Variants in SH3BP2 observed in about 807,000 individuals in gnomAD.
SH3BP2 encodes the protein SH3 domain binding protein 2.
In SH3BP2, 38 loss-of-function variants were observed where a neutral mutation model predicts 56.2. The ratio of observed to expected loss-of-function variants is 0.68; its 90% CI spans 0.52 to 0.89. The LOEUF (loss-of-function observed/expected upper bound fraction) is 0.89. Ranked by LOEUF, SH3BP2 falls within the 40% of genes least tolerant of loss-of-function variation. The pLI, the probability that SH3BP2 is intolerant of heterozygous loss-of-function variation, is 0.00. For synonymous variants in SH3BP2, 346 were observed against 316.7 expected, an observed-to-expected ratio of 1.09 and a Z score of -0.98; for missense variants, 748 against 762.6, an observed-to-expected ratio of 0.98 and a Z score of 0.23.
intron 1 of SH3BP2, among the ~76,000 whole-genome samples, chr4:2,805,376 C>G (rs999367357): frequency 6.6e-6 from 1 of 152,312 alleles, no homozygotes; most frequent in African/African-American, 2.4e-5. Flanking sequence ...GGAGTGCCCC[C>G]CTCCTGCAGC....
intron 1 of SH3BP2, among the ~76,000 whole-genome samples, chr4:2,803,752 C>T (rs1375593326): frequency 1.3e-5 from 2 of 152,194 alleles, no homozygotes; most frequent in African/African-American, 2.4e-5. Flanking sequence ...ACAAGCTATG[C>T]TCTGTCTGAC....
chr4:2,799,025 C>A (rs1293955057), intron 1 of SH3BP2: 3 of 985,444 alleles, frequency 3.0e-6, no homozygotes, highest in South Asian at 9.4e-5. Flanking sequence ...CCAAAGCCGG[C>A]GTCAGGTCAT....
At chr4:2,830,235 C>T in intron 8 of SH3BP2, 88 bp downstream of exon 8, 1 of 1,309,460 alleles carries the variant, frequency 7.6e-7, no homozygotes, top group South Asian at 1.4e-5. Flanking sequence ...ACCTCGCTCC[C>T]CTGGCACTCT....
At chr4:2,823,350 C>T in intron 3 of SH3BP2, 1 of 503,524 alleles carries the variant, frequency 2.0e-6, no homozygotes, top group Non-Finnish European at 3.9e-6. Flanking sequence ...TGCATCTCTC[C>T]TCCCTCCCCA....
intron 5 of SH3BP2, among the ~76,000 whole-genome samples, chr4:2,826,028 C>A (rs907451938): frequency 6.6e-5 from 10 of 152,254 alleles, no homozygotes; most frequent in African/African-American, 2.4e-4. Flanking sequence ...CAGGTCCCTG[C>A]CTGACTCCGG....
rs893629471 is a variant in SH3BP2 at position 2,840,250 on chromosome 4, A to G, written c.*6416A>G. On this transcript the variant is annotated 3_prime_UTR_variant, in exon 13 of 13. Coordinates refer to ENST00000503393, the MANE Select transcript of SH3BP2 (RefSeq NM_001122681.2). ...AAAAAAAACCAAAAAAAAAAAAAAA[A>G]AAAAGAAAACCACTGAAATTATTTC... 6 of 151,684 alleles carry G rather than the reference A, an allele frequency of 4.0e-5. No homozygotes were observed. The highest frequency in any genetic ancestry group is 2.1e-4 in the South Asian group (1 of 4,802). The allele number at this position is 151,684 out of a possible 1,614,324, so 9.4% of individuals were successfully genotyped here. A position where few individuals can be genotyped will look rare whatever the true frequency, so the allele number is the denominator to read the frequency against.
intron 1 of SH3BP2, among the ~76,000 whole-genome samples, chr4:2,809,380 AG>A (rs1453335346): frequency 1.4e-5 from 2 of 140,470 alleles, no homozygotes; most frequent in African/African-American, 5.5e-5. Flanking sequence ...CTCTGGGCTC[AG>A]TGTCCACCTT....
At chr4:2,798,760 G>A (rs1285978461) in intron 1 of SH3BP2, among the ~76,000 whole-genome samples, 3 of 152,202 alleles carry the variant, frequency 2.0e-5, no homozygotes, top group African/African-American at 7.2e-5. Context: ...GTGACTTCCC[G>A]TTGCCATCAC....
rs1008367644 is a variant in SH3BP2 at position 2,838,266 on chromosome 4, C to G, written c.*4432C>G. 1 of 152,272 alleles carries G rather than the reference C, an allele frequency of 6.6e-6. No individual in the cohort carries two copies. The highest frequency in any genetic ancestry group is 1.9e-4 in the East Asian group (1 of 5,202). 9.4% of individuals were successfully genotyped at this position (152,272 alleles called of 1,614,324 possible). On this transcript the variant is annotated 3_prime_UTR_variant, in exon 13 of 13. Transcript: ENST00000503393. ...GTGCCCTCCCCTCACAGTGTCACTT[C>G]CGGCCTCTCTGCCCTGGCTTATGTG...
rs13137906 is a variant in SH3BP2 at position 2,827,751 on chromosome 4, G to C, written c.586+77G>C. 931,898 of 1,271,278 alleles carry C rather than the reference G, an allele frequency of 0.73. 345,272 individuals carry two copies. Among genetic ancestry groups the C allele is most frequent in the African/African-American group, 0.92 (61,904 of 67,374 alleles). 78.7% of individuals were successfully genotyped at this position (1,271,278 alleles called of 1,614,324 possible). A position where few individuals can be genotyped will look rare whatever the true frequency, so the allele number is the denominator to read the frequency against. ...CTGGGACCGGGAGCAGAGCCCCTCC[G>C]AGGCTGGGGATGCTGGCCCAGGTAC... On this transcript the variant is annotated intron_variant, in intron 7 of 12. Coordinates refer to ENST00000503393, the MANE Select transcript of SH3BP2 (RefSeq NM_001122681.2).
intron 2 of SH3BP2, among the ~76,000 whole-genome samples, chr4:2,821,627 AT>A (rs1724310532): frequency 2.7e-5 from 4 of 150,606 alleles, no homozygotes; most frequent in Non-Finnish European, 5.9e-5. Context: ...TGGCGTGATC[AT>A]GGCTCACTGC....
chr4:2,832,521 T>C, intron 11 of SH3BP2, 109 bp downstream of exon 11: 1 of 830,040 alleles, frequency 1.2e-6, no homozygotes, highest in South Asian at 1.3e-5. Context: ...TGTGGACTCT[T>C]ACTTGGTGTC....
Position 2,833,933 on chromosome 4 carries a change from A to G in SH3BP2, c.*99A>G. 1 of 1,384,236 alleles carries G rather than the reference A, an allele frequency of 7.2e-7. No individual in the cohort carries two copies. Among genetic ancestry groups the G allele is most frequent in the South Asian group, 1.4e-5 (1 of 72,996 alleles). 85.7% of individuals were successfully genotyped at this position (1,384,236 alleles called of 1,614,324 possible). A position where few individuals can be genotyped will look rare whatever the true frequency, so the allele number is the denominator to read the frequency against. Reference sequence around the variant, plus strand: ...CCCACATGGGAGGGTGAGCAGGAGCAAGGCTGTGCTTGCCTAGGGCCTCTG... The same window carrying G: ...CCCACATGGGAGGGTGAGCAGGAGCGAGGCTGTGCTTGCCTAGGGCCTCTG... On this transcript the variant is annotated 3_prime_UTR_variant, in exon 13 of 13. Coordinates refer to ENST00000503393, the MANE Select transcript of SH3BP2 (RefSeq NM_001122681.2).
intron 11 of SH3BP2, 27 bp downstream of exon 11, chr4:2,832,439 G>A (rs1484815419): frequency 2.5e-6 from 4 of 1,574,312 alleles, no homozygotes; most frequent in Middle Eastern, 1.7e-4. Context: ...GATGCCCCAG[G>A]GCCCCTCTGG....
chr4:2,836,985 C>T lies in SH3BP2; in HGVS notation c.*3151C>T, dbSNP rs1283432350. On this transcript the variant is annotated 3_prime_UTR_variant, in exon 13 of 13. Coordinates refer to ENST00000503393, the MANE Select transcript of SH3BP2 (RefSeq NM_001122681.2). ...CATGCTTCTTCTCTTCCTGTGGTTC[C>T]ATCCGAAGGATTGTGGTGAGCCCCG... is the stretch of plus-strand genomic sequence containing the variant. 6.6e-6 allele frequency: 1 copy of T among 152,242 alleles called. No homozygotes were observed. The highest frequency in any genetic ancestry group is 1.5e-5 in the Non-Finnish European group (1 of 68,044). The allele number at this position is 152,242 out of a possible 1,614,324, so 9.4% of individuals were successfully genotyped here.
chr4:2,814,321 G>A (rs1049809543), intron 1 of SH3BP2, among the ~76,000 whole-genome samples: 1 of 152,142 alleles, frequency 6.6e-6, no homozygotes, highest in Admixed American at 6.5e-5. Context: ...AACCCGATGG[G>A]GTGTCTCTGT....
chr4:2,812,074 C>G (rs1011995434), intron 1 of SH3BP2: 1 of 944,168 alleles, frequency 1.1e-6, no homozygotes, highest in African/African-American at 1.7e-5. Flanking sequence ...GCGCTGGAGC[C>G]AGAGAGCCCT....
At chr4:2,822,840 G>C in intron 2 of SH3BP2, 95 bp from the exon 3 acceptor site, 1 of 888,732 alleles carries the variant, frequency 1.1e-6, no homozygotes, top group Non-Finnish European at 1.9e-6. Context: ...AGAGGCAGGA[G>C]GCCTGGCCCC....
rs1725165044 is a variant in SH3BP2 at position 2,834,522 on chromosome 4, G to A, written c.*688G>A. 6.6e-6 allele frequency: 1 copy of A among 152,588 alleles called. No homozygotes were observed. The highest frequency in any genetic ancestry group is 1.5e-5 in the Non-Finnish European group (1 of 68,326). The allele number at this position is 152,588 out of a possible 1,614,324, so 9.5% of individuals were successfully genotyped here. On this transcript the variant is annotated 3_prime_UTR_variant, in exon 13 of 13. Coordinates refer to ENST00000503393, the MANE Select transcript of SH3BP2 (RefSeq NM_001122681.2). ...CCACACCCCACTCACCAGTTCTGCT[G>A]CCTCAGGTCAGGCCAGGGCAGTGCT... is the stretch of plus-strand genomic sequence containing the variant.
Sources: gnomAD v4.1 joint callset for allele counts (sites outside exome capture counted in the v4.1 genomes callset) on GRCh38, gnomAD v4.1.1 for gene constraint, MANE v1.5 for transcripts, NCBI Gene and HGNC (gene_info 2026-07-23, HGNC 2026-07-21) for gene names.